PCDHGA12: variants seen among roughly 807,000 people sequenced by gnomAD.
The protein encoded by PCDHGA12 is protocadherin gamma-A12.
In PCDHGA12, 43 loss-of-function variants were observed where a neutral mutation model predicts 61.1. The ratio of observed to expected loss-of-function variants is 0.70; its 90% confidence interval spans 0.55 to 0.91. PCDHGA12 has a LOEUF of 0.91. Among genes scored for constraint, PCDHGA12 ranks in the 40% least tolerant of loss-of-function variants. The pLI, the probability that PCDHGA12 is intolerant of heterozygous loss-of-function variation, is 0.00. For missense variants in PCDHGA12, 1,236 were observed against 1,227.7 expected (o/e 1.01, Z -0.10); for synonymous variants, 520 against 542.9 (o/e 0.96, Z 0.59).
In PCDHGA12 at chr5:141,461,039, C is replaced by T. The variant is rs1026091108; in HGVS notation, c.2424+27856C>T. On this transcript the variant is annotated intron_variant, in intron 1 of 3. Coordinates refer to ENST00000252085, the MANE Select transcript of PCDHGA12 (RefSeq NM_003735.3). ...ACATTTTCTTTATCCACTCATTAGT[C>T]GATGGGGACTTAGGTTGGTTTCACA... is the stretch of plus-strand genomic sequence containing the variant. 2.7e-5 allele frequency among the ~76,000 whole-genome samples: 4 copies of T among 150,906 alleles called. No homozygotes were observed. In the East Asian group the frequency reaches 7.8e-4, roughly 29 times the overall value.
intron 2 of PCDHGA12, among the ~76,000 whole-genome samples, chr5:141,502,759 C>T (rs535899844): frequency 9.9e-5 from 15 of 152,130 alleles, no homozygotes; most frequent in African/African-American, 3.6e-4. Context: ...CATGTATTTG[C>T]TGGTATTCTT....
intron 1 of PCDHGA12, among the ~76,000 whole-genome samples, chr5:141,463,542 G>A (rs1376087953): frequency 7.1e-6 from 1 of 141,810 alleles, no homozygotes; most frequent in African/African-American, 2.6e-5. Context: ...TCCGGCTCCC[G>A]GGTTCATGCC....
chr5:141,509,477 G>A (rs753058277), intron 3 of PCDHGA12, among the ~76,000 whole-genome samples: 7 of 152,166 alleles, frequency 4.6e-5, no homozygotes, highest in African/African-American at 7.2e-5. Context: ...CAGGTGAGGG[G>A]TAGAGGTGAT....
At chr5:141,460,883 C>T (rs371847673) in intron 1 of PCDHGA12, among the ~76,000 whole-genome samples, 2 of 149,996 alleles carry the variant, frequency 1.3e-5, no homozygotes, top group East Asian at 2.0e-4. Context: ...TATTTCATGC[C>T]TTTTCGTGGC....
At position 141,476,387 on chromosome 5, in the gene PCDHGA12, C is replaced by A. The variant is rs147660262; in HGVS notation, c.2425-18420C>A. ...GACCGGAGAGATGTTTGTGAACGAC[C>A]GTCTGGATCGAGAGGAGCTGTGTGG... is the stretch of plus-strand genomic sequence containing the variant. On this transcript the variant is annotated intron_variant, in intron 1 of 3. Transcript: ENST00000252085. The surrounding 1 kb of genome is among the most constrained non-coding windows in gnomAD (Gnocchi z 7.6). 1.2e-6 allele frequency: 2 copies of A among 1,614,076 alleles called. No individual in the cohort carries two copies. Among genetic ancestry groups the A allele is most frequent in the Non-Finnish European group, 8.5e-7 (1 of 1,180,024 alleles).
In PCDHGA12 at chr5:141,476,702, C is replaced by A. The variant is rs751321222; in HGVS notation, c.2425-18105C>A. 1.4e-5 allele frequency: 23 copies of A among 1,614,104 alleles called. No individual in the cohort carries two copies. Among genetic ancestry groups the A allele is most frequent in the Non-Finnish European group, 1.7e-5 (20 of 1,180,050 alleles). ...GGAGGACAGCACCAAGTACGCGGAG[C>A]TGGTGTTGGAGCGCGCCCTGGACCG... is the stretch of plus-strand genomic sequence containing the variant. On this transcript the variant is annotated intron_variant, in intron 1 of 3. Coordinates refer to ENST00000252085, the MANE Select transcript of PCDHGA12 (RefSeq NM_003735.3). The surrounding 1 kb of genome is among the most constrained non-coding windows in gnomAD (Gnocchi z 7.6).
Position 141,487,831 on chromosome 5 carries a change from A to G in PCDHGA12, c.2425-6976A>G, listed in dbSNP as rs1001896359. ...TTAGCATTGGGGGCGGGTCATGCCTATATCTGAGTAAGAAATGAAAGTAAT... is the reference window on the plus strand; with the variant it reads ...TTAGCATTGGGGGCGGGTCATGCCTGTATCTGAGTAAGAAATGAAAGTAAT... On this transcript the variant is annotated intron_variant, in intron 1 of 3. Transcript: ENST00000252085. This position sits in a 1 kb window ranked among gnomAD's most constrained non-coding sequence, Gnocchi z 5.0. The G allele has an allele frequency of 1.1e-5, 13 of 1,144,204 alleles. No homozygotes were observed. Among genetic ancestry groups the G allele is most frequent in the Non-Finnish European group, 1.6e-5 (13 of 818,302 alleles). 70.9% of individuals were successfully genotyped at this position (1,144,204 alleles called of 1,614,324 possible). A position where few individuals can be genotyped will look rare whatever the true frequency, so the allele number is the denominator to read the frequency against.
chr5:141,454,874 C>A (rs1002727777), intron 1 of PCDHGA12, among the ~76,000 whole-genome samples: 4 of 123,066 alleles, frequency 3.3e-5, no homozygotes, highest in African/African-American at 1.2e-4. Flanking sequence ...GTGGCACGAT[C>A]TTGGCTCACT....
intron 1 of PCDHGA12, among the ~76,000 whole-genome samples, chr5:141,446,827 C>A (rs922071842): frequency 6.6e-6 from 1 of 152,114 alleles, no homozygotes; most frequent in Non-Finnish European, 1.5e-5. Context: ...TGGGTAGATC[C>A]TTATAAGGCT....
rs62379205 is a variant in PCDHGA12, at chr5:141,491,971, T to G, written c.2425-2836T>G. On this transcript the variant is annotated intron_variant, in intron 1 of 3. Coordinates refer to ENST00000252085, the MANE Select transcript of PCDHGA12 (RefSeq NM_003735.3). This position sits in a 1 kb window ranked among gnomAD's most constrained non-coding sequence, Gnocchi z 6.9. ...CCTACACTCAAAAAAGGCCGGGGCC[T>G]CCTTCGAGCTTCCGGTGAATTTCGG... The G allele has an allele frequency of 3.6e-6, 3 of 831,948 alleles. No homozygotes were observed. Among genetic ancestry groups the G allele is most frequent in the Admixed American group, 3.7e-5 (1 of 26,692 alleles). The allele number at this position is 831,948 out of a possible 1,614,324, so 51.5% of individuals were successfully genotyped here.
chr5:141,446,558 T>G (rs1413501675), intron 1 of PCDHGA12, among the ~76,000 whole-genome samples: 3 of 151,788 alleles, frequency 2.0e-5, no homozygotes, highest in Non-Finnish European at 1.5e-5. Flanking sequence ...CTCACTGCAA[T>G]CTCTGCCTCC....
At chr5:141,433,869 T>C (rs1293077938) in intron 1 of PCDHGA12, among the ~76,000 whole-genome samples, 8 of 151,960 alleles carry the variant, frequency 5.3e-5, no homozygotes, top group Non-Finnish European at 7.4e-5. Flanking sequence ...TATCCTCTAG[T>C]TTCATCCATT....
At position 141,432,432 on chromosome 5, in the gene PCDHGA12, A is replaced by G. The variant is rs1431760497; in HGVS notation, c.1673A>G (p.Asn558Ser). The change falls in exon 1 of 4, where the codon AAT (asparagine) becomes AGT (serine). Residue 558 changes from asparagine to serine, a missense_variant. Physicochemically the swap from Asn to Ser is conservative, Grantham distance 46. Transcript: ENST00000252085. This position sits in a 1 kb window ranked among gnomAD's most constrained non-coding sequence, Gnocchi z 6.0. ...CTGTTCGTGCTGGACCAGAACGACA[A>G]TGCGCCCGAGATCCTGTACCCCGCC... ...LSLFVLDQND[N>S]APEILYPALP... The G allele has an allele frequency of 2.5e-6, 4 of 1,614,156 alleles. No homozygotes were observed. Among genetic ancestry groups the G allele is most frequent in the Non-Finnish European group, 3.4e-6 (4 of 1,180,028 alleles).
intron 1 of PCDHGA12, among the ~76,000 whole-genome samples, chr5:141,460,804 T>C (rs2098998238): frequency 1.3e-5 from 2 of 152,020 alleles, no homozygotes; most frequent in African/African-American, 4.8e-5. Flanking sequence ...AGTATATATA[T>C]GTATGTATAC....
chr5:141,448,118 G>A (rs1356488538), intron 1 of PCDHGA12, among the ~76,000 whole-genome samples: 1 of 151,534 alleles, frequency 6.6e-6, no homozygotes, highest in East Asian at 1.9e-4. Flanking sequence ...AAGAAAATTA[G>A]CCTCCCCCAC....
chr5:141,439,965 T>C (rs1212358198), intron 1 of PCDHGA12: 1 of 152,760 alleles, frequency 6.5e-6, no homozygotes, highest in Non-Finnish European at 1.5e-5. Flanking sequence ...CGTTATTCAG[T>C]CCTAGAGGAG....
chr5:141,469,395 T>G lies in PCDHGA12; in HGVS notation c.2425-25412T>G, dbSNP rs1332746609. ...ATCGAGACCATCCTGGCCAACATGG[T>G]GAAACCCCGTTTCTACTAAAAATAT... On this transcript the variant is annotated intron_variant, in intron 1 of 3. Transcript: ENST00000252085. Among the ~76,000 whole-genome samples, 6 of 152,194 alleles carry G rather than the reference T, an allele frequency of 3.9e-5. No homozygotes were observed. The East Asian group carries it at 1.2e-3, about 29-fold the overall frequency.
chr5:141,439,697 A>T (rs2098127217), intron 1 of PCDHGA12, among the ~76,000 whole-genome samples: 1 of 152,218 alleles, frequency 6.6e-6, no homozygotes, highest in Non-Finnish European at 1.5e-5. Flanking sequence ...CAACATTCCT[A>T]TTATGGCTCC....
chr5:141,476,565 C>T lies in PCDHGA12; in HGVS notation c.2425-18242C>T. 6.2e-7 allele frequency: 1 copy of T among 1,614,184 alleles called. No individual in the cohort carries two copies. Among genetic ancestry groups the T allele is most frequent in the Non-Finnish European group, 8.5e-7 (1 of 1,180,034 alleles). On this transcript the variant is annotated intron_variant, in intron 1 of 3. Coordinates refer to ENST00000252085, the MANE Select transcript of PCDHGA12 (RefSeq NM_003735.3). This position sits in a 1 kb window ranked among gnomAD's most constrained non-coding sequence, Gnocchi z 7.6. ...TTGGAGATTAGCGAGGCCGTGGCTC[C>T]GGGGACGCGCTTTCCGCTCGAGAGC...
Sources: allele counts gnomAD v4.1 joint callset (sites outside exome capture counted in the v4.1 genomes callset), GRCh38; gene constraint gnomAD v4.1.1; non-coding constraint Gnocchi (gnomAD v3.1); transcripts MANE v1.5; gene names NCBI Gene and HGNC (gene_info 2026-07-23, HGNC 2026-07-21).